NRG3: variants seen among roughly 807,000 people sequenced by gnomAD.
NRG3 encodes neuregulin 3.
Under a neutral mutation model 66.9 loss-of-function variants are expected in NRG3, and 31 were observed. The ratio of observed to expected loss-of-function variants is 0.46; its 90% confidence interval spans 0.35 to 0.63. The LOEUF (loss-of-function observed/expected upper bound fraction) is 0.63. Among genes scored for constraint, NRG3 ranks in the 20% least tolerant of loss-of-function variants. The pLI, the probability that NRG3 is intolerant of heterozygous loss-of-function variation, is 0.00. For synonymous variants in NRG3, 393 were observed against 359.4 expected (o/e 1.09, Z -1.06); for missense variants, 910 against 878.9 (o/e 1.04, Z -0.45).
rs377306775 is a variant in NRG3, at chr10:82,727,292, G to A, written c.954-11285G>A. On this transcript the variant is annotated intron_variant, in intron 2 of 8. Coordinates refer to ENST00000372141, the MANE Select transcript of NRG3 (RefSeq NM_001010848.4). ...TCCAAGGTATGTCGGAGATCTTCAC[G>A]GCAGCCCCTCCCATCACAGGCCTGG... is the stretch of plus-strand genomic sequence containing the variant. Among the ~76,000 whole-genome samples the A allele has an allele frequency of 3.2e-4, 49 of 151,768 alleles. No homozygotes were observed. The South Asian group carries it at 7.1e-3, about 22-fold the overall frequency.
At chr10:82,767,623 T>C (rs2059564326) in intron 3 of NRG3, among the ~76,000 whole-genome samples, 1 of 152,064 alleles carries the variant, frequency 6.6e-6, no homozygotes, top group African/African-American at 2.4e-5. Flanking sequence ...TTGGTTTTCT[T>C]AATCTTATTA....
At chr10:82,390,632 A>G (rs999815889) in intron 2 of NRG3, among the ~76,000 whole-genome samples, 3 of 152,298 alleles carry the variant, frequency 2.0e-5, no homozygotes, top group Admixed American at 6.5e-5. Context: ...ACCTAATTGA[A>G]GAAAGTTACT....
intron 2 of NRG3, among the ~76,000 whole-genome samples, chr10:82,429,496 C>T (rs1409061547): frequency 6.6e-6 from 1 of 151,942 alleles, no homozygotes; most frequent in Non-Finnish European, 1.5e-5. Context: ...GTTAGCTGTT[C>T]ATCTTATTGA....
At chr10:82,979,494 T>C (rs1166735063) in intron 8 of NRG3, among the ~76,000 whole-genome samples, 1 of 152,206 alleles carries the variant, frequency 6.6e-6, no homozygotes, top group Non-Finnish European at 1.5e-5. Flanking sequence ...CTGATAAGTA[T>C]TGTGAACAAT....
intron 1 of NRG3, among the ~76,000 whole-genome samples, chr10:82,113,106 G>T (rs774975216): frequency 4.3e-4 from 65 of 152,174 alleles, no homozygotes; most frequent in Middle Eastern, 3.2e-3. Flanking sequence ...TAATAGTAAT[G>T]TAGGGATTGT....
Position 82,263,489 on chromosome 10 carries a change from T to C in NRG3, c.824-95250T>C, listed in dbSNP as rs185225210. 5.9e-4 allele frequency among the ~76,000 whole-genome samples: 90 copies of C among 152,330 alleles called. 2 individuals carry two copies. Among genetic ancestry groups the C allele is most frequent in the Admixed American group, 5.9e-3 (90 of 15,298 alleles). On this transcript the variant is annotated intron_variant, in intron 1 of 8. Transcript: ENST00000372141. ...TTCTCTCTCAGTTATGCTCCTACCATTTATAAGCATTAATTTTGCTGAACT... is the reference window on the plus strand; with the variant it reads ...TTCTCTCTCAGTTATGCTCCTACCACTTATAAGCATTAATTTTGCTGAACT...
At chr10:82,789,038 G>A (rs2060480624) in intron 3 of NRG3, among the ~76,000 whole-genome samples, 1 of 151,956 alleles carries the variant, frequency 6.6e-6, no homozygotes, top group African/African-American at 2.4e-5. Context: ...ATACTCAAAA[G>A]GAATAGAGTG....
At chr10:82,576,170 T>G (rs2046019753) in intron 2 of NRG3, among the ~76,000 whole-genome samples, 1 of 151,382 alleles carries the variant, frequency 6.6e-6, no homozygotes, top group South Asian at 2.1e-4. Context: ...TTTTGTTTTG[T>G]TTTTTTAATT....
chr10:82,306,251 A>G (rs766530196), intron 1 of NRG3, among the ~76,000 whole-genome samples: 1 of 152,162 alleles, frequency 6.6e-6, no homozygotes, highest in Non-Finnish European at 1.5e-5. Context: ...GATACTTTAT[A>G]TGGGGCTTTC....
At chr10:82,439,468 A>G (rs555241603) in intron 2 of NRG3, among the ~76,000 whole-genome samples, 2 of 152,160 alleles carry the variant, frequency 1.3e-5, no homozygotes, top group Non-Finnish European at 2.9e-5. Flanking sequence ...TTGCCCCCAT[A>G]TGTATAACTT....
At chr10:82,240,129 A>G (rs2076944252) in intron 1 of NRG3, among the ~76,000 whole-genome samples, 1 of 152,136 alleles carries the variant, frequency 6.6e-6, no homozygotes, top group Non-Finnish European at 1.5e-5. Context: ...TGGAACTGAC[A>G]TGACATAGGA....
At position 82,363,280 on chromosome 10, in the gene NRG3, T is replaced by G. The variant is rs150726165; in HGVS notation, c.953+4412T>G. 5.7e-3 allele frequency among the ~76,000 whole-genome samples: 865 copies of G among 152,310 alleles called. 8 individuals are homozygous for G. The highest frequency in any genetic ancestry group is 0.02 in the Middle Eastern group (6 of 294). ...ACAGAGAAATGCAAATTAGGTGTTT[T>G]TTTCCTATCCTTTATTTAAAGATTT... On this transcript the variant is annotated intron_variant, in intron 2 of 8. Coordinates refer to ENST00000372141, the MANE Select transcript of NRG3 (RefSeq NM_001010848.4).
At chr10:82,648,114 C>T (rs2051104058) in intron 2 of NRG3, among the ~76,000 whole-genome samples, 1 of 151,574 alleles carries the variant, frequency 6.6e-6, no homozygotes, top group Non-Finnish European at 1.5e-5. Context: ...CCTAGGTTTT[C>T]TTCTAGGGTT....
At chr10:82,102,052 G>C (rs1210885619) in intron 1 of NRG3, among the ~76,000 whole-genome samples, 1 of 138,892 alleles carries the variant, frequency 7.2e-6, no homozygotes. Context: ...TAAATGTAAT[G>C]TGTGTGTATA....
At chr10:82,600,085 A>T (rs773417162) in intron 2 of NRG3, among the ~76,000 whole-genome samples, 1 of 152,150 alleles carries the variant, frequency 6.6e-6, no homozygotes, top group Non-Finnish European at 1.5e-5. Context: ...ATTGTTAAGC[A>T]TCTAGTATAA....
chr10:82,785,267 A>C (rs540355767), intron 3 of NRG3, among the ~76,000 whole-genome samples: 1 of 152,146 alleles, frequency 6.6e-6, no homozygotes, highest in Non-Finnish European at 1.5e-5. Context: ...TGACGAGTTA[A>C]TGGGTGCAGC....
chr10:82,100,311 T>C (rs2066649122), intron 1 of NRG3, among the ~76,000 whole-genome samples: 2 of 152,124 alleles, frequency 1.3e-5, no homozygotes, highest in Admixed American at 6.5e-5. Context: ...GACAATGGTG[T>C]CTTCTATTAA....
intron 1 of NRG3, among the ~76,000 whole-genome samples, chr10:82,258,276 A>T (rs2077840550): frequency 6.6e-6 from 1 of 152,208 alleles, no homozygotes; most frequent in South Asian, 2.1e-4. Context: ...TTATGGCCTT[A>T]TCATTTTTAG....
intron 2 of NRG3, among the ~76,000 whole-genome samples, chr10:82,465,686 TG>T (rs1230200878): frequency 6.6e-6 from 1 of 151,518 alleles, no homozygotes; most frequent in African/African-American, 2.4e-5. Context: ...TCTTAGGGGG[TG>T]GGGGGCAGCA....
Sources: gnomAD v4.1 joint callset for allele counts (sites outside exome capture counted in the v4.1 genomes callset) on GRCh38, gnomAD v4.1.1 for gene constraint, MANE v1.5 for transcripts, NCBI Gene and HGNC (gene_info 2026-07-23, HGNC 2026-07-21) for gene names.